GRAP2: variants seen among roughly 807,000 people sequenced by gnomAD.
GRAP2 encodes the protein GRB2-related adapter protein 2.
GRAP2 carries 31 observed loss-of-function variants against 43.5 expected under a neutral mutation model. The ratio of observed to expected loss-of-function variants is 0.71; its 90% confidence interval spans 0.54 to 0.96. The LOEUF (loss-of-function observed/expected upper bound fraction) is 0.96. Among genes scored for constraint, GRAP2 ranks in the 40% least tolerant of loss-of-function variants. The probability of loss-of-function intolerance (pLI) is 0.00; values close to 1 mark genes in which losing one functional copy is unlikely to be tolerated. For synonymous variants in GRAP2, 156 were observed against 164.8 expected (o/e 0.95, Z 0.41); for missense variants, 371 against 424.4 (o/e 0.87, Z 1.11).
At chr22:39,898,959 CAT>C (rs1287361323), upstream of GRAP2, among the ~76,000 whole-genome samples, 3 of 152,224 alleles carry the variant, frequency 2.0e-5, no homozygotes, top group Non-Finnish European at 1.5e-5. Context: ...CCATATTTCA[CAT>C]GTTACTGTAT....
chr22:39,956,162 T>C (rs573056640), intron 3 of GRAP2, among the ~76,000 whole-genome samples: 1 of 151,846 alleles, frequency 6.6e-6, no homozygotes, highest in South Asian at 2.1e-4. Flanking sequence ...TTAACTTTTT[T>C]TTTTTTTTTT....
chr22:39,929,306 G>A (rs904561332), intron 1 of GRAP2, among the ~76,000 whole-genome samples: 2 of 152,132 alleles, frequency 1.3e-5, no homozygotes, highest in Non-Finnish European at 2.9e-5. Flanking sequence ...GGAATGAGTG[G>A]AGTGACATGA....
At chr22:39,962,276 A>G (rs924768565) in intron 4 of GRAP2, among the ~76,000 whole-genome samples, 1 of 151,980 alleles carries the variant, frequency 6.6e-6, no homozygotes, top group Non-Finnish European at 1.5e-5. Context: ...TAAAAAATTA[A>G]CCCAGTGCAG....
intron 1 of GRAP2, among the ~76,000 whole-genome samples, chr22:39,904,332 G>A (rs943832591): frequency 6.6e-6 from 1 of 152,310 alleles, no homozygotes; most frequent in African/African-American, 2.4e-5. Context: ...ATGTTTCAGC[G>A]AGCTGAGATC....
chr22:39,898,732 G>C (rs1267809916), upstream of GRAP2, among the ~76,000 whole-genome samples: 4 of 152,166 alleles, frequency 2.6e-5, no homozygotes, highest in African/African-American at 9.7e-5. Flanking sequence ...AGAATCATTT[G>C]AACTTAGGAG....
upstream of GRAP2, among the ~76,000 whole-genome samples, chr22:39,899,353 C>T (rs967054923): frequency 1.3e-5 from 2 of 152,176 alleles, no homozygotes; most frequent in Non-Finnish European, 2.9e-5. Flanking sequence ...ATTTTCCCTT[C>T]GCTCCCACTC....
intron 1 of GRAP2, among the ~76,000 whole-genome samples, chr22:39,931,345 T>C (rs1012481866): frequency 4.6e-5 from 7 of 152,148 alleles, no homozygotes; most frequent in African/African-American, 1.7e-4. Flanking sequence ...GGACTTGAAA[T>C]GAAAGGCTAT....
chr22:39,972,491 G>A lies in GRAP2; in HGVS notation c.*1407G>A, dbSNP rs2067255648. 1 of 152,396 alleles carries A rather than the reference G, an allele frequency of 6.6e-6. No individual in the cohort carries two copies. Among genetic ancestry groups the A allele is most frequent in the East Asian group, 1.9e-4 (1 of 5,206 alleles). The allele number at this position is 152,396 out of a possible 1,614,324, so 9.4% of individuals were successfully genotyped here. A position where few individuals can be genotyped will look rare whatever the true frequency, so the allele number is the denominator to read the frequency against. On this transcript the variant is annotated 3_prime_UTR_variant, in exon 8 of 8. Coordinates refer to ENST00000344138, the MANE Select transcript of GRAP2 (RefSeq NM_004810.4). Reference sequence around the variant, plus strand: ...GACATGTGCGTGCATGCATCTGTGTGTCTGTGTGTGTGCTGAGACAGGAAA... The same window carrying A: ...GACATGTGCGTGCATGCATCTGTGTATCTGTGTGTGTGCTGAGACAGGAAA...
At chr22:39,907,239 G>A (rs976880318) in intron 1 of GRAP2, among the ~76,000 whole-genome samples, 5 of 152,208 alleles carry the variant, frequency 3.3e-5, no homozygotes, top group African/African-American at 7.2e-5. Flanking sequence ...GAAGGGGAGT[G>A]TCACAGACAC....
intron 4 of GRAP2, among the ~76,000 whole-genome samples, chr22:39,962,127 A>G (rs552196711): frequency 6.6e-6 from 1 of 152,342 alleles, no homozygotes; most frequent in Non-Finnish European, 1.5e-5. Flanking sequence ...CCATTAACAT[A>G]TATTACAAGT....
rs576911407 is a variant in GRAP2 at position 39,962,376 on chromosome 22, G to A, written c.290+2202G>A. On this transcript the variant is annotated intron_variant, in intron 4 of 7. Transcript: ENST00000344138. ...GTTGAGGTTGCAGTGAGCCAAGATC[G>A]ATCGCACCACTGCACTCTAGCCTGG... Among the ~76,000 whole-genome samples the A allele has an allele frequency of 2.0e-5, 3 of 152,158 alleles. No individual in the cohort carries two copies. The East Asian group carries it at 5.8e-4, about 29-fold the overall frequency.
chr22:39,966,182 C>A, intron 5 of GRAP2, 24 bp downstream of exon 5: 1 of 1,602,298 alleles, frequency 6.2e-7, no homozygotes, highest in Non-Finnish European at 8.5e-7. Flanking sequence ...CCAGTCGACC[C>A]CAATCTAGAG....
chr22:39,967,855 A>G (rs1230783541), intron 5 of GRAP2, among the ~76,000 whole-genome samples, 187 bp from the exon 6 acceptor site: 1 of 152,212 alleles, frequency 6.6e-6, no homozygotes, highest in African/African-American at 2.4e-5. Flanking sequence ...GGAGGATCTG[A>G]GAATGCAGAG....
chr22:39,904,275 C>G (rs758254812), intron 1 of GRAP2, among the ~76,000 whole-genome samples: 1 of 152,172 alleles, frequency 6.6e-6, no homozygotes, highest in Non-Finnish European at 1.5e-5. Context: ...GTAATCCCAG[C>G]TACTTGGGAG....
At chr22:39,967,754 A>G (rs1165136227) in intron 5 of GRAP2, among the ~76,000 whole-genome samples, 1 of 152,234 alleles carries the variant, frequency 6.6e-6, no homozygotes, top group Non-Finnish European at 1.5e-5. Flanking sequence ...TTGATTACAC[A>G]GAGAAAAAAC....
chr22:39,915,489 C>T (rs1022986365), intron 1 of GRAP2, among the ~76,000 whole-genome samples: 2 of 152,216 alleles, frequency 1.3e-5, no homozygotes, highest in African/African-American at 4.8e-5. Context: ...GTCATCCTCT[C>T]GGGACTCTCA....
rs991218303 is a variant in GRAP2 at position 39,973,542 on chromosome 22, C to T, written c.*2458C>T. 44 of 152,244 alleles carry T rather than the reference C, an allele frequency of 2.9e-4. No homozygotes were observed. The highest frequency in any genetic ancestry group is 1.1e-3 in the African/African-American group (44 of 41,462). 9.4% of individuals were successfully genotyped at this position (152,244 alleles called of 1,614,324 possible). ...ATTTTGTACTGAGATGCCAAAGCAT[C>T]TTTCCCTTGCTCATCAGCCTCCATT... On this transcript the variant is annotated 3_prime_UTR_variant, in exon 8 of 8. Transcript: ENST00000344138.
chr22:39,909,701 C>CA lies in GRAP2; in HGVS notation c.-15+8378dup, dbSNP rs141283097. 2.1e-3 allele frequency among the ~76,000 whole-genome samples: 312 copies of CA among 151,980 alleles called. 5 individuals are homozygous for CA. In the East Asian group the frequency reaches 0.04, roughly 20 times the overall value. ...TGGGAAACTAGGAAAAACAAACAAACAAAAAAATGGTACCACAATGCAAAA... is the reference window on the plus strand; with the variant it reads ...TGGGAAACTAGGAAAAACAAACAAACAAAAAAAATGGTACCACAATGCAAAA... On this transcript the variant is annotated intron_variant, in intron 1 of 7. Coordinates refer to ENST00000344138, the MANE Select transcript of GRAP2 (RefSeq NM_004810.4).
chr22:39,963,588 C>A (rs992975614), intron 4 of GRAP2, among the ~76,000 whole-genome samples: 6 of 152,094 alleles, frequency 3.9e-5, no homozygotes, highest in African/African-American at 1.4e-4. Context: ...GATTACCACC[C>A]GAAATCAGTC....
Sources: gnomAD v4.1 joint callset for allele counts (sites outside exome capture counted in the v4.1 genomes callset) on GRCh38, gnomAD v4.1.1 for gene constraint, MANE v1.5 for transcripts, NCBI Gene and HGNC (gene_info 2026-07-23, HGNC 2026-07-21) for gene names.